PDILT: variants seen among roughly 807,000 people sequenced by gnomAD.
The protein encoded by PDILT is protein disulfide isomerase like, testis expressed.
In PDILT, 43 loss-of-function variants were observed where a neutral mutation model predicts 53.7. That is an observed-to-expected ratio of 0.80 (90% CI 0.63 to 1.03). The LOEUF (loss-of-function observed/expected upper bound fraction) is 1.03. PDILT is among the 50% of genes least tolerant of loss of function. The pLI is 0.00. For synonymous variants in PDILT, 282 were observed against 274.2 expected (o/e 1.03, Z -0.28); for missense variants, 727 against 712.3 (o/e 1.02, Z -0.24).
In PDILT at chr16:20,369,364, A is replaced by C. The variant is rs1010517142; in HGVS notation, c.1116+128T>G. On this transcript the variant is annotated intron_variant, in intron 8 of 11. Transcript: ENST00000302451. ...GTGGGGAGATGGGGGATTTCCCCAC[A>C]TTGAGCCACAAAGTTGATCTTTATT... The C allele has an allele frequency of 2.8e-6, 3 of 1,088,142 alleles. No individual in the cohort carries two copies. The African/African-American group carries it at 4.7e-5, about 17-fold the overall frequency. The allele number at this position is 1,088,142 out of a possible 1,614,324, so 67.4% of individuals were successfully genotyped here.
At chr16:20,380,888 C>T (rs1179672667) in intron 3 of PDILT, among the ~76,000 whole-genome samples, 4 of 152,170 alleles carry the variant, frequency 2.6e-5, no homozygotes, top group African/African-American at 7.2e-5. Context: ...CCTGTGGGAC[C>T]GAGGTAGTTA....
At position 20,360,677 on chromosome 16, in the gene PDILT, G is replaced by C. The variant is rs755428300; in HGVS notation, c.1417-20C>G. On this transcript the variant is annotated intron_variant, in intron 10 of 11. Transcript: ENST00000302451. ...GACAGCCTAGGATGAAAATGGAACA[G>C]GGTCAGGATGGGATCCTCTTCCCGC... The C allele has an allele frequency of 3.1e-5, 48 of 1,546,510 alleles. 1 individual carries two copies. In the South Asian group the frequency reaches 5.1e-4, roughly 17 times the overall value.
At chr16:20,387,746 G>C (rs1966558810) in intron 2 of PDILT, among the ~76,000 whole-genome samples, 1 of 151,822 alleles carries the variant, frequency 6.6e-6, no homozygotes, top group Non-Finnish European at 1.5e-5. Context: ...TTGGCCTCCT[G>C]AGTAGCTGGG....
chr16:20,376,214 A>G lies in PDILT; in HGVS notation c.410-13T>C, dbSNP rs765651354. The G allele has an allele frequency of 2.1e-5, 34 of 1,613,856 alleles. No homozygotes were observed. The highest frequency in any genetic ancestry group is 2.8e-5 in the Non-Finnish European group (33 of 1,179,958). On this transcript the variant is annotated splice_polypyrimidine_tract_variant and intron_variant, in intron 3 of 11. Coordinates refer to ENST00000302451, the MANE Select transcript of PDILT (RefSeq NM_174924.2). ...GATTCAACCACTCCTGGAGAAAGAC[A>G]CAGTCAAATAGATACCAGAGAAGTT...
chr16:20,399,207 G>A lies in PDILT; in HGVS notation c.94C>T (p.His32Tyr). 6.2e-7 allele frequency: 1 copy of A among 1,614,174 alleles called. No individual in the cohort carries two copies. Among genetic ancestry groups the A allele is most frequent in the South Asian group, 1.1e-5 (1 of 91,082 alleles). Residue 32 changes from histidine (H) to tyrosine (Y), a missense_variant, in exon 2 of 12, where the codon CAC (histidine) becomes TAC (tyrosine). His to Tyr is a moderately conservative substitution (Grantham distance 83, BLOSUM62 2). Transcript: ENST00000302451. ...AGGATGTGCACAGGCTTGGTTATGT[G>A]GATGCTGGAAACACCGGCGTTAACC... The part of the protein sequence containing the change: ...PEVNAGVSSI[H>Y]ITKPVHILEE...
chr16:20,359,442 G>T lies in PDILT; in HGVS notation c.1632C>A (p.Tyr544Ter), dbSNP rs374255958. The change falls in exon 12 of 12, where the codon TAC (tyrosine) becomes TAA (stop). Residue 544 changes from tyrosine (Y) to a stop codon, truncating the protein, a stop_gained. Coordinates refer to ENST00000302451, the MANE Select transcript of PDILT (RefSeq NM_174924.2). LOFTEE classifies it low-confidence loss of function (END_TRUNC). ...CAGCGGGCTCTTCCAGCTTGGATAC[G>T]TACTTGGTCATGTTCTCCAGCTCAG... ...QSPELENMTK[Y>*]VSKLEEPAGK... 1.4e-5 allele frequency: 23 copies of T among 1,614,108 alleles called. No homozygotes were observed. The highest frequency in any genetic ancestry group is 6.7e-5 in the African/African-American group (5 of 75,008).
intron 8 of PDILT, among the ~76,000 whole-genome samples, chr16:20,365,975 A>G (rs997342104): frequency 6.6e-6 from 1 of 151,884 alleles, no homozygotes; most frequent in Non-Finnish European, 1.5e-5. Context: ...CTGTAATCCC[A>G]GCTACTCAGG....
rs907016907 is a variant in PDILT at position 20,384,706 on chromosome 16, G to C, written c.348C>G (p.Thr116=). Residue 116 remains threonine (T), a synonymous_variant, in exon 3 of 12, where the codon ACC becomes ACG. Coordinates refer to ENST00000302451, the MANE Select transcript of PDILT (RefSeq NM_174924.2). ...AAAACAGCTTCAACTCCGGGGCCTT[G>C]GTAATCCCAAACTCCTGCTGAAGCT... ...EKELQQEFGI[T]KAPELKLFFE... 9 of 1,614,174 alleles carry C rather than the reference G, an allele frequency of 5.6e-6. No individual in the cohort carries two copies. Among genetic ancestry groups the C allele is most frequent in the East Asian group, 2.2e-5 (1 of 44,884 alleles).
chr16:20,373,826 C>G (rs34532024), intron 5 of PDILT, among the ~76,000 whole-genome samples: 37,248 of 152,090 alleles, frequency 0.24, 5,226 homozygotes, highest in Non-Finnish European at 0.31. Context: ...CTTGGCTTTG[C>G]TGGAGTCTGT....
At chr16:20,360,422 G>C in intron 11 of PDILT, 146 bp downstream of exon 11, 4 of 756,972 alleles carry the variant, frequency 5.3e-6, no homozygotes, top group Non-Finnish European at 9.2e-6. Flanking sequence ...GTGACTAGTA[G>C]AGTCACCCAA....
intron 1 of PDILT, among the ~76,000 whole-genome samples, chr16:20,400,147 T>C (rs7193249): frequency 0.34 from 50,743 of 151,420 alleles, 8,895 homozygotes; most frequent in African/African-American, 0.43. Context: ...CTGCGACCTC[T>C]GCATCCTGGG....
At chr16:20,398,054 T>C (rs555497854) in intron 2 of PDILT, among the ~76,000 whole-genome samples, 2 of 152,310 alleles carry the variant, frequency 1.3e-5, no homozygotes, top group Admixed American at 1.3e-4. Context: ...TGAGTTTCTG[T>C]TTCCTCAACT....
At chr16:20,377,323 C>T (rs1405088184) in intron 3 of PDILT, among the ~76,000 whole-genome samples, 2 of 152,150 alleles carry the variant, frequency 1.3e-5, no homozygotes, top group Non-Finnish European at 2.9e-5. Flanking sequence ...TTGTGAGTAG[C>T]TTTGAACTAC....
chr16:20,402,825 C>T (rs1001597360), intron 1 of PDILT, among the ~76,000 whole-genome samples: 2 of 152,200 alleles, frequency 1.3e-5, no homozygotes, highest in East Asian at 3.9e-4. Context: ...CTGTCCAGCC[C>T]TGGGACTGTG....
At position 20,374,814 on chromosome 16, in the gene PDILT, A is replaced by C; in HGVS notation, c.681+8T>G. The C allele has an allele frequency of 6.2e-7, 1 of 1,609,934 alleles. No homozygotes were observed. The highest frequency in any genetic ancestry group is 8.5e-7 in the Non-Finnish European group (1 of 1,178,362). ...GACCTCTCACTAGCAATAGGATCAA[A>C]ATCCTACCTTTTTGAACACCAGGAC... On this transcript the variant is annotated splice_region_variant and intron_variant, in intron 5 of 11. Transcript: ENST00000302451.
chr16:20,369,725 C>T (rs76731137), intron 7 of PDILT, 36 bp from the exon 8 acceptor site: 37,676 of 1,608,438 alleles, frequency 0.023, 603 homozygotes, highest in Non-Finnish European at 0.026. Context: ...CTCTCTGGAT[C>T]CTTTGCCAGT....
intron 8 of PDILT, among the ~76,000 whole-genome samples, chr16:20,368,512 G>A (rs1416207110): frequency 6.6e-6 from 1 of 152,148 alleles, no homozygotes; most frequent in African/African-American, 2.4e-5. Context: ...TGGGAGAATG[G>A]ACAAAAGGCT....
At chr16:20,364,045 C>T (rs1966154135) in intron 9 of PDILT, among the ~76,000 whole-genome samples, 1 of 152,172 alleles carries the variant, frequency 6.6e-6, no homozygotes, top group African/African-American at 2.4e-5. Context: ...CATGGCCATC[C>T]CCCCTGCCTG....
In PDILT at chr16:20,362,536, C is replaced by T; in HGVS notation, c.1284G>A (p.Glu428=). The change falls in exon 10 of 12, where the codon GAG becomes GAA. Residue 428 remains glutamate, a synonymous_variant. Coordinates refer to ENST00000302451, the MANE Select transcript of PDILT (RefSeq NM_174924.2). ...GGTTTTGATATTTTCTGCCCAATTC[C>T]TCCAACAGTGGGAACAGCATCTTGC... ...KKCKMLFPLL[E]ELGRKYQNHS... The T allele has an allele frequency of 6.2e-7, 1 of 1,614,116 alleles. No individual in the cohort carries two copies. The highest frequency in any genetic ancestry group is 8.5e-7 in the Non-Finnish European group (1 of 1,180,028).
Sources: gnomAD v4.1 joint callset for allele counts (sites outside exome capture counted in the v4.1 genomes callset) on GRCh38, gnomAD v4.1.1 for gene constraint, MANE v1.5 for transcripts, NCBI Gene and HGNC (gene_info 2026-07-23, HGNC 2026-07-21) for gene names.